The following PRMT8 variants were observed in gnomAD, a reference collection of about 807,000 sequenced individuals.
The protein encoded by PRMT8 is protein arginine N-methyltransferase 8.
Under a neutral mutation model 47.1 loss-of-function variants are expected in PRMT8, and 7 were observed. That is an observed-to-expected ratio of 0.15 (90% confidence interval 0.08 to 0.28). PRMT8 has a LOEUF of 0.28. Among genes scored for constraint, PRMT8 ranks in the 10% least tolerant of loss-of-function variants. The probability of loss-of-function intolerance (pLI) is 1.00; values close to 1 mark genes in which losing one functional copy is unlikely to be tolerated. For missense variants in PRMT8, 237 were observed against 505.4 expected, an observed-to-expected ratio of 0.47 and a Z score of 5.09; for synonymous variants, 188 against 186.5, an observed-to-expected ratio of 1.01 and a Z score of -0.07.
At chr12:3,522,383 AGGCCG>A (rs1356678302) in intron 1 of PRMT8, among the ~76,000 whole-genome samples, 1 of 152,124 alleles carries the variant, frequency 6.6e-6, no homozygotes, top group Non-Finnish European at 1.5e-5. Flanking sequence ...AAACAAGCTC[AGGCCG>A]GGCGCGGTGG....
chr12:3,577,001 C>T lies in PRMT8; in HGVS notation c.828+15C>T. On this transcript the variant is annotated intron_variant, in intron 7 of 9. Coordinates refer to ENST00000382622, the MANE Select transcript of PRMT8 (RefSeq NM_019854.5). Reference sequence around the variant, plus strand: ...GTTTGATAAAGGTCTGGACACTCATCCGGGGTGGACCTGGGTGTGCTGGGA... The same window carrying T: ...GTTTGATAAAGGTCTGGACACTCATTCGGGGTGGACCTGGGTGTGCTGGGA... 1 of 1,605,944 alleles carries T rather than the reference C, an allele frequency of 6.2e-7. No homozygotes were observed. The highest frequency in any genetic ancestry group is 8.5e-7 in the Non-Finnish European group (1 of 1,172,754).
At chr12:3,499,192 TC>T (rs1228210518) in intron 1 of PRMT8, among the ~76,000 whole-genome samples, 1 of 136,950 alleles carries the variant, frequency 7.3e-6, no homozygotes, top group African/African-American at 3.2e-5. Flanking sequence ...TTTTTTCCTT[TC>T]TTTTTTTTTT....
At chr12:3,490,675 A>AG (rs1865374699), upstream of PRMT8, among the ~76,000 whole-genome samples, 2 of 121,084 alleles carry the variant, frequency 1.7e-5, no homozygotes, top group African/African-American at 3.1e-5. Context: ...TTTGGGTACA[A>AG]AGAGAGAGAG....
At chr12:3,589,831 G>T (rs913859624) in intron 8 of PRMT8, among the ~76,000 whole-genome samples, 2 of 152,164 alleles carry the variant, frequency 1.3e-5, no homozygotes, top group Admixed American at 1.3e-4. Flanking sequence ...AGTCTCTGGG[G>T]GTCTCATAAG....
intron 1 of PRMT8, among the ~76,000 whole-genome samples, chr12:3,389,295 G>A (rs1244353289): frequency 6.6e-6 from 1 of 152,130 alleles, no homozygotes; most frequent in Non-Finnish European, 1.5e-5. Flanking sequence ...GGTCAACGCT[G>A]GTGACAGACA....
At chr12:3,542,793 C>G (rs1488519799) in intron 2 of PRMT8, among the ~76,000 whole-genome samples, 1 of 152,228 alleles carries the variant, frequency 6.6e-6, no homozygotes, top group Non-Finnish European at 1.5e-5. Context: ...GTGTGCTCCA[C>G]TAGGCTATTA....
At chr12:3,497,303 C>G (rs1384967895) in intron 1 of PRMT8, among the ~76,000 whole-genome samples, 2 of 152,146 alleles carry the variant, frequency 1.3e-5, no homozygotes, top group Non-Finnish European at 2.9e-5. Context: ...CTGTCCATGC[C>G]TCTGTCCCTG....
In PRMT8 at chr12:3,564,836, G is replaced by T. The variant is rs1285225924; in HGVS notation, c.482-3870G>T. 6.6e-6 allele frequency among the ~76,000 whole-genome samples: 1 copy of T among 152,252 alleles called. No individual in the cohort carries two copies. The highest frequency in any genetic ancestry group is 1.5e-5 in the Non-Finnish European group (1 of 68,036). ...GAGGAGAAGGGAAGACTGCTGCTGT[G>T]TGTGCCCACACACTTCCTTGAGCCA... On this transcript the variant is annotated intron_variant, in intron 4 of 9. Coordinates refer to ENST00000382622, the MANE Select transcript of PRMT8 (RefSeq NM_019854.5). The surrounding 1 kb of genome is among the most constrained non-coding windows in gnomAD (Gnocchi z 4.0).
At chr12:3,561,050 T>C (rs753211989) in intron 4 of PRMT8, among the ~76,000 whole-genome samples, 1 of 152,210 alleles carries the variant, frequency 6.6e-6, no homozygotes, top group Admixed American at 6.5e-5. Flanking sequence ...ACAGTAATCC[T>C]CTGTGCTTTG....
intron 1 of PRMT8, among the ~76,000 whole-genome samples, chr12:3,455,693 T>C (rs1591554899): frequency 6.6e-6 from 1 of 151,802 alleles, no homozygotes; most frequent in African/African-American, 2.4e-5. Context: ...CAGCGGGGGG[T>C]GGGGTTGAGC....
intron 1 of PRMT8, among the ~76,000 whole-genome samples, chr12:3,522,648 T>TAA (rs57112104): frequency 1.5e-5 from 2 of 131,030 alleles, no homozygotes; most frequent in African/African-American, 2.9e-5. Context: ...GAGACTCCAT[T>TAA]AAAAAAAAAA....
intron 2 of PRMT8, among the ~76,000 whole-genome samples, chr12:3,544,638 G>A (rs899835529): frequency 3.9e-5 from 6 of 152,170 alleles, no homozygotes; most frequent in African/African-American, 1.4e-4. Flanking sequence ...AGTGTGGCTC[G>A]CTGCCTGGCA....
At chr12:3,405,118 G>T (rs1353436665) in intron 1 of PRMT8, among the ~76,000 whole-genome samples, 1 of 152,154 alleles carries the variant, frequency 6.6e-6, no homozygotes, top group Non-Finnish European at 1.5e-5. Flanking sequence ...GGCTGGGGAG[G>T]CCTCAGGAAG....
chr12:3,478,032 A>G (rs141617476), intron 1 of PRMT8, among the ~76,000 whole-genome samples: 34 of 152,292 alleles, frequency 2.2e-4, no homozygotes, highest in Non-Finnish European at 4.4e-4. Flanking sequence ...GGGTGGCATC[A>G]TCTATAATGC....
intron 3 of PRMT8, chr12:3,553,061 T>C: frequency 4.7e-6 from 1 of 213,350 alleles, no homozygotes; most frequent in Non-Finnish European, 9.7e-6. Flanking sequence ...TTAGGAGGTC[T>C]GGAGAGCCTG....
chr12:3,456,719 C>A lies in PRMT8; in HGVS notation c.48+75277C>A, dbSNP rs1365286575. 6.6e-6 allele frequency among the ~76,000 whole-genome samples: 1 copy of A among 152,132 alleles called. No homozygotes were observed. Among genetic ancestry groups the A allele is most frequent in the Non-Finnish European group, 1.5e-5 (1 of 68,024 alleles). ...CCTGGAGGGGAGGGCAGTGAGGAACCCGTGAGAAGGGGCCAACGCCCGGAG... is the reference window on the plus strand; with the variant it reads ...CCTGGAGGGGAGGGCAGTGAGGAACACGTGAGAAGGGGCCAACGCCCGGAG... On this transcript the variant is annotated intron_variant, in intron 1 of 9. Coordinates refer to the PRMT8 transcript ENST00000452611. The surrounding 1 kb of genome is among the most constrained non-coding windows in gnomAD (Gnocchi z 4.2).
chr12:3,414,964 G>C (rs1196552952), intron 1 of PRMT8, among the ~76,000 whole-genome samples: 1 of 152,082 alleles, frequency 6.6e-6, no homozygotes, highest in African/African-American at 2.4e-5. Context: ...AACCAGGTCA[G>C]CTGTTTCACT....
chr12:3,454,715 C>CG (rs1418385877), intron 1 of PRMT8, among the ~76,000 whole-genome samples: 1 of 152,166 alleles, frequency 6.6e-6, no homozygotes, highest in Non-Finnish European at 1.5e-5. Flanking sequence ...CAGCTTGCAG[C>CG]GCACTTCGTG....
At position 3,569,672 on chromosome 12, in the gene PRMT8, C is replaced by T; in HGVS notation, c.712+108C>T. ...CAGTGACATGAACACCATTGCTGTC[C>T]CTGAAGAGGAGCTTATCTGGGACCC... On this transcript the variant is annotated intron_variant, in intron 6 of 9. Transcript: ENST00000382622. The surrounding 1 kb of genome is among the most constrained non-coding windows in gnomAD (Gnocchi z 8.2). 1.1e-6 allele frequency: 1 copy of T among 886,368 alleles called. No individual in the cohort carries two copies. Among genetic ancestry groups the T allele is most frequent in the Non-Finnish European group, 1.9e-6 (1 of 526,566 alleles). The allele number at this position is 886,368 out of a possible 1,614,324, so 54.9% of individuals were successfully genotyped here.
Sources: allele counts gnomAD v4.1 joint callset (sites outside exome capture counted in the v4.1 genomes callset), GRCh38; gene constraint gnomAD v4.1.1; non-coding constraint Gnocchi (gnomAD v3.1); transcripts MANE v1.5; gene names NCBI Gene and HGNC (gene_info 2026-07-23, HGNC 2026-07-21).